Variants in DUOXA1 observed in about 807,000 individuals in gnomAD.
The protein encoded by DUOXA1 is dual oxidase maturation factor 1, also known as dual oxidase activator 1.
In DUOXA1, 19 loss-of-function variants were observed where a neutral mutation model predicts 26.6. The observed-to-expected ratio is 0.71, with a 90% CI of 0.50 to 1.05. The LOEUF is 1.05. Ranked by LOEUF, DUOXA1 falls within the 50% of genes least tolerant of loss-of-function variation. The pLI, the probability that DUOXA1 is intolerant of heterozygous loss-of-function variation, is 0.00. For missense variants in DUOXA1, 403 were observed against 427.5 expected, an observed-to-expected ratio of 0.94 and a Z score of 0.51; for synonymous variants, 166 against 177.0, an observed-to-expected ratio of 0.94 and a Z score of 0.49.
At chr15:45,121,294 A>G in intron 5 of DUOXA1, 73 bp from the exon 6 acceptor site, 1 of 1,605,726 alleles carries the variant, frequency 6.2e-7, no homozygotes, top group Non-Finnish European at 8.5e-7. Context: ...CAGAAGGAGA[A>G]ATACAAGGGG....
At chr15:45,123,502 A>G (rs529691738) in intron 3 of DUOXA1, among the ~76,000 whole-genome samples, 1 of 152,250 alleles carries the variant, frequency 6.6e-6, no homozygotes, top group Non-Finnish European at 1.5e-5. Context: ...CAGTCCCCAA[A>G]GGAACAAAGG....
rs375934424 is a variant in DUOXA1, at chr15:45,120,287, C to A, written c.588G>T (p.Val196=). 1.2e-5 allele frequency: 19 copies of A among 1,614,084 alleles called. No homozygotes were observed. The highest frequency in any genetic ancestry group is 1.6e-4 in the Middle Eastern group (1 of 6,062). Residue 196 remains valine, a synonymous_variant, in exon 8 of 9, where the codon GTG becomes GTT. Transcript: ENST00000560572. ...ATACCAGCACAGGCATGGAGAGCAT[C>A]ACATTGGCCAGCAGCCAGCAGAGGA... The part of the protein sequence containing the change: ...VAFLCWLLAN[V]MLSMPVLVYG...
At position 45,120,084 on chromosome 15, in the gene DUOXA1, C is replaced by T. The variant is rs371203619; in HGVS notation, c.772+19G>A. The T allele has an allele frequency of 6.2e-7, 1 of 1,613,442 alleles. No homozygotes were observed. The highest frequency in any genetic ancestry group is 8.5e-7 in the Non-Finnish European group (1 of 1,179,870). Reference sequence around the variant, plus strand: ...TGGCCTTGAGACTTCTAGTGCTTGTCTTTAGGGCTGGGTCTTACCTGTGGT... The same window carrying T: ...TGGCCTTGAGACTTCTAGTGCTTGTTTTTAGGGCTGGGTCTTACCTGTGGT... On this transcript the variant is annotated intron_variant, in intron 8 of 8. Coordinates refer to ENST00000560572, the MANE Select transcript of DUOXA1 (RefSeq NM_001276266.2).
rs772024127 is a variant in DUOXA1 at position 45,119,225 on chromosome 15, G to T, written c.913C>A (p.Pro305Thr). The change falls in exon 9 of 9, where the codon CCC becomes ACC. Residue 305 changes from proline to threonine, a missense_variant. By Grantham distance (38) the Pro-to-Thr change is conservative. Coordinates refer to ENST00000560572, the MANE Select transcript of DUOXA1 (RefSeq NM_001276266.2). ...CTGTCAGCCATGGACCGGTAGCGGG[G>T]GCTCAGGAGTCCACCTTCCTCAGGA... ...WSPEEGGLLSPRYRSMADSPK... is the reference protein window; with the variant it reads ...WSPEEGGLLSTRYRSMADSPK... The T allele has an allele frequency of 5.8e-5, 93 of 1,614,026 alleles. No individual in the cohort carries two copies. The highest frequency in any genetic ancestry group is 7.5e-5 in the Non-Finnish European group (89 of 1,180,012).
chr15:45,120,917 G>C (rs1272876379), intron 6 of DUOXA1, 112 bp from the exon 7 acceptor site: 1 of 1,491,182 alleles, frequency 6.7e-7, no homozygotes, highest in East Asian at 2.3e-5. Context: ...ACTGAGAGAA[G>C]GTAGCTTCCA....
In DUOXA1 at chr15:45,117,824, G is replaced by C. The variant is rs764323922; in HGVS notation, c.*1282C>G. 6.2e-7 allele frequency: 1 copy of C among 1,613,910 alleles called. No individual in the cohort carries two copies. Among genetic ancestry groups the C allele is most frequent in the East Asian group, 2.2e-5 (1 of 44,882 alleles). Reference sequence around the variant, plus strand: ...AGCGCCAAGGACTGCAGCCAGGAGAGAGGGGGCTCACCTCTTATCCTCGGC... The same window carrying C: ...AGCGCCAAGGACTGCAGCCAGGAGACAGGGGGCTCACCTCTTATCCTCGGC... On this transcript the variant is annotated 3_prime_UTR_variant, in exon 9 of 9. Coordinates refer to ENST00000560572, the MANE Select transcript of DUOXA1 (RefSeq NM_001276266.2).
intron 3 of DUOXA1, among the ~76,000 whole-genome samples, chr15:45,127,925 C>T (rs1715305349): frequency 6.6e-6 from 1 of 152,158 alleles, no homozygotes; most frequent in Non-Finnish European, 1.5e-5. Context: ...GACGCAAGAA[C>T]CACCCAGACT....
In DUOXA1 at chr15:45,118,824, C is replaced by A; in HGVS notation, c.*282G>T. Reference sequence around the variant, plus strand: ...AGCATCTTGAAGAGGCAAGGCAGCACGGAAAGGCTGGGTTGCTGTGCAGAT... The same window carrying A: ...AGCATCTTGAAGAGGCAAGGCAGCAAGGAAAGGCTGGGTTGCTGTGCAGAT... On this transcript the variant is annotated 3_prime_UTR_variant, in exon 9 of 9. Transcript: ENST00000560572. 8.7e-7 allele frequency: 1 copy of A among 1,144,496 alleles called. No individual in the cohort carries two copies. The highest frequency in any genetic ancestry group is 1.1e-6 in the Non-Finnish European group (1 of 931,694). The allele number at this position is 1,144,496 out of a possible 1,614,324, so 70.9% of individuals were successfully genotyped here.
intron 8 of DUOXA1, among the ~76,000 whole-genome samples, chr15:45,119,608 G>C (rs1361807989): frequency 6.6e-6 from 1 of 152,054 alleles, no homozygotes; most frequent in Non-Finnish European, 1.5e-5. Context: ...GAGAGAAAGG[G>C]GGAGAGGGAG....
At chr15:45,123,180 T>C (rs898485102) in intron 3 of DUOXA1, 137 bp from the exon 4 acceptor site, 2 of 823,542 alleles carry the variant, frequency 2.4e-6, no homozygotes, top group African/African-American at 3.6e-5. Flanking sequence ...CATCAGACTC[T>C]GCTATTACCA....
At chr15:45,128,093 T>C (rs1046506041) in intron 3 of DUOXA1, among the ~76,000 whole-genome samples, 1 of 152,218 alleles carries the variant, frequency 6.6e-6, no homozygotes, top group African/African-American at 2.4e-5. Context: ...CTCCCTTATG[T>C]ACTGAAGACT....
chr15:45,117,875 T>C lies in DUOXA1; in HGVS notation c.*1231A>G, dbSNP rs1318886114. The C allele has an allele frequency of 4.3e-6, 7 of 1,613,422 alleles. No individual in the cohort carries two copies. Among genetic ancestry groups the C allele is most frequent in the Non-Finnish European group, 5.9e-6 (7 of 1,180,038 alleles). On this transcript the variant is annotated 3_prime_UTR_variant, in exon 9 of 9. Coordinates refer to ENST00000560572, the MANE Select transcript of DUOXA1 (RefSeq NM_001276266.2). ...GACCCACTGCACAAGCAGGCCGCTC[T>C]CCCAGACTTAAAATGTATCACCACT...
In DUOXA1 at chr15:45,119,006, T is replaced by C; in HGVS notation, c.*100A>G. 1 of 1,486,558 alleles carries C rather than the reference T, an allele frequency of 6.7e-7. No homozygotes were observed. The highest frequency in any genetic ancestry group is 8.9e-7 in the Non-Finnish European group (1 of 1,119,212). 92.1% of individuals were successfully genotyped at this position (1,486,558 alleles called of 1,614,324 possible). A position where few individuals can be genotyped will look rare whatever the true frequency, so the allele number is the denominator to read the frequency against. ...CGTCTGTAGATTGGTGCTGGGTGTC[T>C]GGTAACAGCCACCCTGAGGGCAGTT... On this transcript the variant is annotated 3_prime_UTR_variant, in exon 9 of 9. Coordinates refer to ENST00000560572, the MANE Select transcript of DUOXA1 (RefSeq NM_001276266.2).
In DUOXA1 at chr15:45,127,465, A is replaced by G. The variant is rs144727850; in HGVS notation, c.-30+1553T>C. Among the ~76,000 whole-genome samples, 8 of 152,382 alleles carry G rather than the reference A, an allele frequency of 5.2e-5. No individual in the cohort carries two copies. The East Asian group carries it at 1.5e-3, about 29-fold the overall frequency. On this transcript the variant is annotated intron_variant, in intron 3 of 8. Transcript: ENST00000560572. ...AAATGTCATATTTATTAAAGATGAC[A>G]GAAGCAAAAAAACAGTTGGTAAATG...
rs1566989371 is a variant in DUOXA1 at position 45,120,135 on chromosome 15, TGG to T, written c.738_739del (p.His246GlnfsTer43). ...CAATGTGATCCAGAAGGCAGGCCCA[TGG>T]TGAGTATGCAGCACAGAAGCGCCCA... On this transcript the variant is annotated frameshift_variant, in exon 8 of 9. Transcript: ENST00000560572. LOFTEE classifies it low-confidence loss of function (END_TRUNC). The T allele has an allele frequency of 6.2e-7, 1 of 1,613,896 alleles. No individual in the cohort carries two copies. The highest frequency in any genetic ancestry group is 1.7e-5 in the Admixed American group (1 of 60,000).
Position 45,126,423 on chromosome 15 carries a change from G to A in DUOXA1, c.-30+2595C>T, listed in dbSNP as rs149309016. On this transcript the variant is annotated intron_variant, in intron 3 of 8. Coordinates refer to ENST00000560572, the MANE Select transcript of DUOXA1 (RefSeq NM_001276266.2). ...CTGCCTGGAATGCACTCACTCTCTT[G>A]GCAAATGCCTTTTCACCCTTCAAGT... Among the ~76,000 whole-genome samples the A allele has an allele frequency of 6.6e-3, 1,003 of 152,274 alleles. 12 individuals carry two copies. Among genetic ancestry groups the A allele is most frequent in the African/African-American group, 0.023 (962 of 41,556 alleles).
Position 45,117,412 on chromosome 15 carries a change from G to T in DUOXA1, c.*1694C>A. 1.3e-6 allele frequency: 2 copies of T among 1,512,144 alleles called. No homozygotes were observed. The highest frequency in any genetic ancestry group is 2.8e-5 in the African/African-American group (2 of 72,182). The allele number at this position is 1,512,144 out of a possible 1,614,324, so 93.7% of individuals were successfully genotyped here. ...TGAATTCACATCTATTACCCTATTT[G>T]CCCCTCTCAATAGTTCGCAGAAACA... On this transcript the variant is annotated 3_prime_UTR_variant, in exon 9 of 9. Coordinates refer to ENST00000560572, the MANE Select transcript of DUOXA1 (RefSeq NM_001276266.2).
At chr15:45,127,871 TAC>T (rs1446078698) in intron 3 of DUOXA1, among the ~76,000 whole-genome samples, 9 of 152,170 alleles carry the variant, frequency 5.9e-5, no homozygotes, top group Admixed American at 4.6e-4. Context: ...AGACACAAGA[TAC>T]AGTCAAATAT....
At position 45,117,856 on chromosome 15, in the gene DUOXA1, C is replaced by G; in HGVS notation, c.*1250G>C. 6.2e-7 allele frequency: 1 copy of G among 1,613,748 alleles called. No individual in the cohort carries two copies. Among genetic ancestry groups the G allele is most frequent in the South Asian group, 1.1e-5 (1 of 91,080 alleles). On this transcript the variant is annotated 3_prime_UTR_variant, in exon 9 of 9. Transcript: ENST00000560572. ...CTCACCTCTTATCCTCGGCGACCCA[C>G]TGCACAAGCAGGCCGCTCTCCCAGA...
Sources: gnomAD v4.1 joint callset for allele counts (sites outside exome capture counted in the v4.1 genomes callset) on GRCh38, gnomAD v4.1.1 for gene constraint, MANE v1.5 for transcripts, NCBI Gene and HGNC (gene_info 2026-07-23, HGNC 2026-07-21) for gene names.